Variants in MARK4 observed in about 807,000 individuals in gnomAD.
MARK4 encodes the protein microtubule affinity regulating kinase 4, also known as MAP/microtubule affinity-regulating kinase 4.
A neutral mutation model predicts 81.5 loss-of-function variants in MARK4; 19 were observed. The ratio of observed to expected loss-of-function variants is 0.23; its 90% confidence interval spans 0.16 to 0.34. The LOEUF (loss-of-function observed/expected upper bound fraction) is 0.34. Ranked by LOEUF, MARK4 falls within the 10% of genes least tolerant of loss-of-function variation. The pLI is 1.00. For missense variants in MARK4, 772 were observed against 1,058.8 expected (o/e 0.73, Z 3.76); for synonymous variants, 436 against 439.0 (o/e 0.99, Z 0.08).
chr19:45,285,261 CAAAAAAAAAAA>C (rs71173139), intron 12 of MARK4, among the ~76,000 whole-genome samples: 4 of 57,122 alleles, frequency 7.0e-5, no homozygotes, highest in Admixed American at 2.0e-4. Flanking sequence ...TGCCGTGTCT[CAAAAAAAAAAA>C]AAAAAAAAAA....
intron 8 of MARK4, among the ~76,000 whole-genome samples, chr19:45,274,524 G>A (rs1166098413): frequency 2.6e-5 from 4 of 151,976 alleles, no homozygotes; most frequent in East Asian, 1.9e-4. Context: ...CCTGCTACTC[G>A]GGAGGCTGAG....
chr19:45,295,633 G>A (rs1304358081), intron 14 of MARK4, among the ~76,000 whole-genome samples: 2 of 152,144 alleles, frequency 1.3e-5, no homozygotes, highest in African/African-American at 4.8e-5. Context: ...AAATTAGCCA[G>A]GAACGATGTC....
At chr19:45,287,071 G>T (rs1272580487) in intron 12 of MARK4, among the ~76,000 whole-genome samples, 1 of 151,902 alleles carries the variant, frequency 6.6e-6, no homozygotes, top group Non-Finnish European at 1.5e-5. Flanking sequence ...AGGTGGGGTG[G>T]CACACACCTG....
At position 45,302,820 on chromosome 19, in the gene MARK4, C is replaced by T; in HGVS notation, c.*110C>T. 2 of 1,433,796 alleles carry T rather than the reference C, an allele frequency of 1.4e-6. No individual in the cohort carries two copies. The highest frequency in any genetic ancestry group is 1.9e-6 in the Non-Finnish European group (2 of 1,079,868). The allele number at this position is 1,433,796 out of a possible 1,614,324, so 88.8% of individuals were successfully genotyped here. ...CTCCCTTTATCATCACCTCAGTTTC[C>T]CTGAATTATATTTGGGGGCAAAGAT... On this transcript the variant is annotated 3_prime_UTR_variant, in exon 17 of 17. Transcript: ENST00000262891. This position sits in a 1 kb window ranked among gnomAD's most constrained non-coding sequence, Gnocchi z 4.9.
At chr19:45,270,260 A>C (rs928638771) in intron 7 of MARK4, among the ~76,000 whole-genome samples, 1 of 152,248 alleles carries the variant, frequency 6.6e-6, no homozygotes, top group African/African-American at 2.4e-5. Flanking sequence ...AGGCACAGAG[A>C]GGTCTGGTAA....
Position 45,278,603 on chromosome 19 carries a change from A to C in MARK4, c.994A>C (p.Thr332Pro). 6.2e-7 allele frequency: 1 copy of C among 1,613,124 alleles called. No individual in the cohort carries two copies. Among genetic ancestry groups the C allele is most frequent in the Admixed American group, 1.7e-5 (1 of 59,970 alleles). Residue 332 changes from threonine (T) to proline (P), a missense_variant, in exon 10 of 17, where the codon ACC becomes CCC. Transcript: ENST00000262891. ...AGAGCCCGAGGAGGACTTCGGGGACACCAAGAGAATTGGTGAGGGTCAGGG... is the reference window on the plus strand; with the variant it reads ...AGAGCCCGAGGAGGACTTCGGGGACCCCAAGAGAATTGGTGAGGGTCAGGG... The part of the protein sequence containing the change: ...YTEPEEDFGD[T>P]KRIEVMVGMG...
chr19:45,253,992 C>T (rs1599774954), intron 1 of MARK4, among the ~76,000 whole-genome samples: 1 of 152,250 alleles, frequency 6.6e-6, no homozygotes, highest in African/African-American at 2.4e-5. Context: ...CCTTTTCTCT[C>T]CTCCAACTCT....
At chr19:45,266,581 G>A (rs1311713170) in intron 7 of MARK4, among the ~76,000 whole-genome samples, 1 of 151,988 alleles carries the variant, frequency 6.6e-6, no homozygotes, top group Non-Finnish European at 1.5e-5. Context: ...TAAGGACGCT[G>A]GGACATGATA....
intron 13 of MARK4, among the ~76,000 whole-genome samples, chr19:45,288,802 A>G (rs1186814173): frequency 2.0e-5 from 3 of 146,554 alleles, no homozygotes; most frequent in Non-Finnish European, 4.5e-5. Context: ...GTGAGCCAAG[A>G]TCATACCACT....
chr19:45,270,576 C>T (rs1970513353), intron 7 of MARK4, among the ~76,000 whole-genome samples: 1 of 152,068 alleles, frequency 6.6e-6, no homozygotes, highest in Non-Finnish European at 1.5e-5. Context: ...TTACATAGTA[C>T]TCGCTGGGTA....
At chr19:45,265,847 G>T (rs1244149352) in intron 6 of MARK4, among the ~76,000 whole-genome samples, 1 of 151,918 alleles carries the variant, frequency 6.6e-6, no homozygotes, top group African/African-American at 2.4e-5. Flanking sequence ...CTAGGAAGAT[G>T]TGCAGGTGTG....
intron 13 of MARK4, chr19:45,288,556 A>G (rs1408603251): frequency 1.3e-5 from 2 of 150,886 alleles, no homozygotes; most frequent in Non-Finnish European, 2.9e-5. Flanking sequence ...CCATTTCAAA[A>G]AAAAAAAAAA....
Position 45,294,253 on chromosome 19 carries a change from C to T in MARK4, c.1495-96C>T, listed in dbSNP as rs554574171. On this transcript the variant is annotated intron_variant, in intron 13 of 16. Coordinates refer to ENST00000262891, the MANE Select transcript of MARK4 (RefSeq NM_001199867.2). ...CCTGGGTTCCCACATGAGCCCCTGACTTATTCATCGATGGGGAGGGCAGAG... is the reference window on the plus strand; with the variant it reads ...CCTGGGTTCCCACATGAGCCCCTGATTTATTCATCGATGGGGAGGGCAGAG... 4.3e-5 allele frequency: 50 copies of T among 1,168,660 alleles called. No individual in the cohort carries two copies. In the Admixed American group the frequency reaches 4.4e-4, roughly 10 times the overall value. The allele number at this position is 1,168,660 out of a possible 1,614,324, so 72.4% of individuals were successfully genotyped here.
At chr19:45,265,427 G>C (rs1348458012) in intron 6 of MARK4, among the ~76,000 whole-genome samples, 1 of 152,014 alleles carries the variant, frequency 6.6e-6, no homozygotes, top group Non-Finnish European at 1.5e-5. Context: ...TGGGTGCCCG[G>C]GTGTGCGAGT....
intron 1 of MARK4, among the ~76,000 whole-genome samples, chr19:45,256,021 G>A (rs1405080247): frequency 6.6e-6 from 1 of 152,280 alleles, no homozygotes; most frequent in African/African-American, 2.4e-5. Context: ...AAGCCATGGT[G>A]TGGGAGACAG....
intron 16 of MARK4, among the ~76,000 whole-genome samples, chr19:45,300,253 G>GA (rs1157720658): frequency 6.8e-6 from 1 of 146,318 alleles, no homozygotes; most frequent in Non-Finnish European, 1.5e-5. Context: ...GCTGAGGCAG[G>GA]AGAATCGCTT....
rs1468294358 is a variant in MARK4, at chr19:45,302,554, G to C, written c.2103G>C (p.Gly701=). 6.3e-7 allele frequency: 1 copy of C among 1,588,436 alleles called. No individual in the cohort carries two copies. Among genetic ancestry groups the C allele is most frequent in the East Asian group, 2.2e-5 (1 of 44,510 alleles). ...PQPFLLACLH[G]GAGGPEPLSH... is the part of the protein sequence containing the mutation. The stretch of plus-strand genomic sequence containing the variant: ...CGTTCCTGCTGGCCTGCCTGCACGG[G>C]GGTGCGGGCGGGCCCGAGCCCCTGT... Residue 701 remains glycine, a synonymous_variant, in exon 17 of 17, where the codon GGG becomes GGC. Coordinates refer to ENST00000262891, the MANE Select transcript of MARK4 (RefSeq NM_001199867.2). This position sits in a 1 kb window ranked among gnomAD's most constrained non-coding sequence, Gnocchi z 4.9.
At chr19:45,265,151 G>A (rs1009889724) in intron 6 of MARK4, among the ~76,000 whole-genome samples, 6 of 152,206 alleles carry the variant, frequency 3.9e-5, no homozygotes, top group Non-Finnish European at 5.9e-5. Flanking sequence ...AAGGCGCCCC[G>A]GTGGGCAGGT....
At chr19:45,260,249 G>A (rs570251630) in intron 2 of MARK4, among the ~76,000 whole-genome samples, 1 of 151,276 alleles carries the variant, frequency 6.6e-6, no homozygotes, top group South Asian at 2.1e-4. Context: ...GATTAGCTTG[G>A]TGTGATAGCA....
Sources: gnomAD v4.1 joint callset for allele counts (sites outside exome capture counted in the v4.1 genomes callset) on GRCh38, gnomAD v4.1.1 for gene constraint, Gnocchi (gnomAD v3.1) non-coding constraint, MANE v1.5 for transcripts, NCBI Gene and HGNC (gene_info 2026-07-23, HGNC 2026-07-21) for gene names.